Variants in CDH13 observed in about 807,000 individuals in gnomAD.
The protein encoded by CDH13 is cadherin-13.
A neutral mutation model predicts 63.8 loss-of-function variants in CDH13; 24 were observed. That is an observed-to-expected ratio of 0.38 (90% CI 0.27 to 0.53). The LOEUF (loss-of-function observed/expected upper bound fraction) is 0.53, where lower values mean the gene tolerates loss of function less well. Among genes scored for constraint, CDH13 ranks in the 20% least tolerant of loss-of-function variants. The probability of loss-of-function intolerance (pLI) is 0.85; values close to 1 mark genes in which losing one functional copy is unlikely to be tolerated. For missense variants in CDH13, 1,049 were observed against 903.1 expected (o/e 1.16, Z -2.07); for synonymous variants, 503 against 355.3 (o/e 1.42, Z -4.67).
At chr16:83,505,953 C>G (rs1453570043) in intron 7 of CDH13, among the ~76,000 whole-genome samples, 3 of 152,178 alleles carry the variant, frequency 2.0e-5, no homozygotes, top group African/African-American at 7.2e-5. Flanking sequence ...GTGGTATTCC[C>G]ACCTTACCCC....
chr16:82,692,932 C>T (rs375391894), intron 1 of CDH13, among the ~76,000 whole-genome samples: 14 of 152,140 alleles, frequency 9.2e-5, no homozygotes, highest in African/African-American at 3.1e-4. Flanking sequence ...AATAGAGTAC[C>T]TCAACATTGA....
chr16:83,115,476 G>A (rs1381860041), intron 3 of CDH13, among the ~76,000 whole-genome samples: 5 of 152,178 alleles, frequency 3.3e-5, no homozygotes, highest in African/African-American at 1.2e-4. Flanking sequence ...TAGAATATAA[G>A]CTTCAAACTC....
chr16:82,774,631 A>C (rs2035411634), intron 1 of CDH13, among the ~76,000 whole-genome samples: 1 of 152,170 alleles, frequency 6.6e-6, no homozygotes. Flanking sequence ...ACATAACTTA[A>C]TTCTTACCAT....
At chr16:83,431,360 G>T (rs2072102137) in intron 6 of CDH13, among the ~76,000 whole-genome samples, 1 of 151,876 alleles carries the variant, frequency 6.6e-6, no homozygotes, top group Non-Finnish European at 1.5e-5. Flanking sequence ...TTACGATCCT[G>T]GTCCTATCTC....
At chr16:83,372,635 C>T (rs927225975) in intron 6 of CDH13, among the ~76,000 whole-genome samples, 5 of 151,452 alleles carry the variant, frequency 3.3e-5, no homozygotes, top group African/African-American at 1.2e-4. Flanking sequence ...AACTGTAGTC[C>T]CAGCTACTCG....
intron 3 of CDH13, among the ~76,000 whole-genome samples, chr16:83,070,793 G>A (rs2032372468): frequency 1.3e-5 from 2 of 151,544 alleles, no homozygotes; most frequent in Admixed American, 1.3e-4. Flanking sequence ...TTCAGCAAAG[G>A]AGTTGTCTTA....
At chr16:83,229,293 A>G (rs1318092441) in intron 5 of CDH13, among the ~76,000 whole-genome samples, 1 of 152,204 alleles carries the variant, frequency 6.6e-6, no homozygotes, top group East Asian at 1.9e-4. Context: ...TGGGGAAAAG[A>G]GATCAAAGAG....
At chr16:83,378,392 G>A (rs79126172) in intron 6 of CDH13, among the ~76,000 whole-genome samples, 13,421 of 152,140 alleles carry the variant, frequency 0.088, 826 homozygotes, top group Non-Finnish European at 0.13. Context: ...CACATCCCTT[G>A]ACCATGAGTT....
chr16:82,893,666 G>A (rs889984548), intron 2 of CDH13, among the ~76,000 whole-genome samples: 8 of 152,172 alleles, frequency 5.3e-5, no homozygotes, highest in Admixed American at 3.3e-4. Flanking sequence ...GAAAGCTCAG[G>A]AAGCCAGAAC....
intron 1 of CDH13, among the ~76,000 whole-genome samples, chr16:82,769,137 A>G (rs75684295): frequency 8.3e-4 from 126 of 152,304 alleles, no homozygotes; most frequent in African/African-American, 3.0e-3. Flanking sequence ...AGATCTAAAC[A>G]GACCCATCAT....
chr16:82,920,319 G>C (rs1465616644), intron 2 of CDH13, among the ~76,000 whole-genome samples: 1 of 152,186 alleles, frequency 6.6e-6, no homozygotes, highest in African/African-American at 2.4e-5. Flanking sequence ...GTTGCCAGCA[G>C]CTCCAGGCTC....
chr16:82,982,372 C>G (rs893243267), intron 2 of CDH13, among the ~76,000 whole-genome samples: 1 of 152,054 alleles, frequency 6.6e-6, no homozygotes, highest in Non-Finnish European at 1.5e-5. Flanking sequence ...AAAATTACCC[C>G]AAACTTAGTG....
rs1158270310 is a variant in CDH13 at position 83,216,397 on chromosome 16, A to AATAT, written c.484-904_484-901dup. On this transcript the variant is annotated intron_variant, in intron 4 of 13. Coordinates refer to ENST00000567109, the MANE Select transcript of CDH13 (RefSeq NM_001257.5). ...TAATGTCCTCTGCCTCCAGCATTGA[A>AATAT]ATATATATATATATATATATATATA... 2.5e-3 allele frequency among the ~76,000 whole-genome samples: 40 copies of AATAT among 16,102 alleles called. 1 individual carries two copies. Among genetic ancestry groups the AATAT allele is most frequent in the African/African-American group, 5.1e-3 (38 of 7,474 alleles). 10.6% of individuals were successfully genotyped at this position (16,102 alleles called of 152,430 possible).
intron 5 of CDH13, among the ~76,000 whole-genome samples, chr16:83,343,596 A>C (rs11640016): frequency 0.41 from 63,035 of 152,012 alleles, 13,202 homozygotes; most frequent in East Asian, 0.51. Flanking sequence ...ATGTGACTCT[A>C]CTGATTTATA....
intron 4 of CDH13, among the ~76,000 whole-genome samples, chr16:83,139,292 G>T (rs2036431192): frequency 6.6e-6 from 1 of 152,198 alleles, no homozygotes; most frequent in African/African-American, 2.4e-5. Context: ...ACTCATCCAT[G>T]CCTAGGGATT....
chr16:83,656,237 A>G (rs970492895), intron 8 of CDH13, among the ~76,000 whole-genome samples: 1 of 152,214 alleles, frequency 6.6e-6, no homozygotes, highest in Non-Finnish European at 1.5e-5. Flanking sequence ...AAAGAGAGGA[A>G]TCAAAAGATG....
At chr16:83,522,401 G>A (rs1048358192) in intron 7 of CDH13, among the ~76,000 whole-genome samples, 4 of 152,262 alleles carry the variant, frequency 2.6e-5, no homozygotes, top group African/African-American at 9.6e-5. Context: ...AGGCATATTG[G>A]GGAAGAAAGT....
At chr16:83,081,701 GAGAGAA>G (rs774554692) in intron 3 of CDH13, among the ~76,000 whole-genome samples, 9 of 152,014 alleles carry the variant, frequency 5.9e-5, no homozygotes, top group African/African-American at 1.2e-4. Context: ...GAGAGAGAGA[GAGAGAA>G]AGAGAGAGAG....
At chr16:83,035,359 G>T (rs924903937) in intron 3 of CDH13, among the ~76,000 whole-genome samples, 1 of 152,128 alleles carries the variant, frequency 6.6e-6, no homozygotes, top group African/African-American at 2.4e-5. Context: ...ATTTGGAGAG[G>T]GGAGAGGTCA....
Sources: allele counts gnomAD v4.1 joint callset (sites outside exome capture counted in the v4.1 genomes callset), GRCh38; gene constraint gnomAD v4.1.1; transcripts MANE v1.5; gene names NCBI Gene and HGNC (gene_info 2026-07-23, HGNC 2026-07-21).